Variants in GSTM2 observed in about 807,000 individuals in gnomAD.
GSTM2 encodes the protein glutathione S-transferase mu 2.
A neutral mutation model predicts 33.3 loss-of-function variants in GSTM2; 33 were observed. The observed-to-expected ratio is 0.99, with a 90% CI of 0.75 to 1.33. The LOEUF (loss-of-function observed/expected upper bound fraction) is 1.33, where lower values mean the gene tolerates loss of function less well. Ranked by LOEUF, GSTM2 falls within the 40% of genes most tolerant of loss-of-function variation. The pLI is 0.00. For synonymous variants in GSTM2, 93 were observed against 95.6 expected (o/e 0.97, Z 0.16); for missense variants, 213 against 265.8 (o/e 0.80, Z 1.38).
downstream of GSTM2, among the ~76,000 whole-genome samples, chr1:109,677,673 G>T (rs114592702): frequency 0.014 from 2,100 of 152,240 alleles, 52 homozygotes; most frequent in African/African-American, 0.046. Context: ...TATTGAAGGG[G>T]CCTGGTGGAG....
At position 109,668,109 on chromosome 1, in the gene GSTM2, C is replaced by T. The variant is rs772407547; in HGVS notation, c.-7C>T. On this transcript the variant is annotated 5_prime_UTR_variant, in exon 1 of 8. Transcript: ENST00000241337. ...GCCTGTCTGCAGAATCCACAGCAAC[C>T]AGCACCATGCCCATGACACTGGGGT... The T allele has an allele frequency of 1.2e-5, 20 of 1,613,826 alleles. 1 individual carries two copies. The South Asian group carries it at 2.2e-4, about 18-fold the overall frequency.
At chr1:109,671,975 A>G (rs1321401714) in intron 7 of GSTM2, among the ~76,000 whole-genome samples, 7 of 53,016 alleles carry the variant, frequency 1.3e-4, no homozygotes, top group Admixed American at 9.3e-4. Flanking sequence ...CATCTCAAGA[A>G]AAAAAAAAAA....
chr1:109,678,940 GT>G (rs1647785357), downstream of GSTM2, among the ~76,000 whole-genome samples: 1 of 152,088 alleles, frequency 6.6e-6, no homozygotes, highest in African/African-American at 2.4e-5. Flanking sequence ...GGGTGATCAT[GT>G]TTTGACTAAT....
At chr1:109,671,060 G>A in intron 5 of GSTM2, 1 of 552,090 alleles carries the variant, frequency 1.8e-6, no homozygotes, top group Non-Finnish European at 3.3e-6. Context: ...TAGGGACAGT[G>A]TCACATTCCG....
At chr1:109,668,831 T>G in intron 2 of GSTM2, 94 bp from the exon 3 acceptor site, 1 of 1,425,316 alleles carries the variant, frequency 7.0e-7, no homozygotes, top group Non-Finnish European at 9.9e-7. Flanking sequence ...TCCACCTGTC[T>G]CAGGGGTCTT....
downstream of GSTM2, among the ~76,000 whole-genome samples, chr1:109,679,793 C>T (rs1457287485): frequency 6.6e-6 from 1 of 152,176 alleles, no homozygotes; most frequent in Non-Finnish European, 1.5e-5. Flanking sequence ...AAGGGATGCT[C>T]AGATGGCTGG....
At chr1:109,668,611 G>C in intron 2 of GSTM2, 111 bp downstream of exon 2, 1 of 1,249,194 alleles carries the variant, frequency 8.0e-7, no homozygotes, top group South Asian at 1.2e-5. Flanking sequence ...TGGAACTGCA[G>C]GCTGTCCCTT....
rs140675803 is a variant in GSTM2 at position 109,669,498 on chromosome 1, G to A, written c.287G>A (p.Arg96His). 26 of 1,613,930 alleles carry A rather than the reference G, an allele frequency of 1.6e-5. No individual in the cohort carries two copies. In the African/African-American group the frequency reaches 2.4e-4, roughly 15 times the overall value. ...LCGESEKEQI[R>H]EDILENQFMD... The stretch of plus-strand genomic sequence containing the variant: ...GGGGAATCAGAAAAGGAGCAGATTC[G>A]CGAAGACATTTTGGAGAACCAGTTT... The change falls in exon 5 of 8, where the codon CGC becomes CAC. Residue 96 changes from arginine (R) to histidine (H), a missense_variant. Arg to His is a conservative substitution (Grantham distance 29, BLOSUM62 0). Coordinates refer to ENST00000241337, the MANE Select transcript of GSTM2 (RefSeq NM_000848.4).
chr1:109,671,687 G>A, intron 7 of GSTM2, 104 bp downstream of exon 7: 2 of 814,996 alleles, frequency 2.5e-6, no homozygotes, highest in Admixed American at 1.8e-5. Flanking sequence ...CACATTTTTG[G>A]CCATGTGCGG....
chr1:109,671,706 G>A lies in GSTM2; in HGVS notation c.567+123G>A, dbSNP rs182550315. On this transcript the variant is annotated intron_variant, in intron 7 of 7. Transcript: ENST00000241337. ...TTTTTGGCCATGTGCGGTGGCTCAC[G>A]CCTGTAATCTCAGCGCTTTGGAGGC... 517 of 734,630 alleles carry A rather than the reference G, an allele frequency of 7.0e-4. 4 individuals are homozygous for A. The Admixed American group carries it at 9.7e-3, about 14-fold the overall frequency. 45.5% of individuals were successfully genotyped at this position (734,630 alleles called of 1,614,324 possible).
At chr1:109,674,235 G>A (rs1465101879) in intron 7 of GSTM2, among the ~76,000 whole-genome samples, 2 of 152,066 alleles carry the variant, frequency 1.3e-5, no homozygotes, top group East Asian at 3.9e-4. Flanking sequence ...TGGAAAAGGA[G>A]ACTGTTTGTG....
chr1:109,679,555 T>G (rs191338293), downstream of GSTM2, among the ~76,000 whole-genome samples: 77 of 152,356 alleles, frequency 5.1e-4, no homozygotes, highest in African/African-American at 1.8e-3. Flanking sequence ...TTTCTGCCAA[T>G]GAATCACAGT....
intron 7 of GSTM2, among the ~76,000 whole-genome samples, chr1:109,672,546 T>A (rs655323): frequency 0.42 from 63,183 of 151,542 alleles, 14,806 homozygotes; most frequent in East Asian, 0.68. Flanking sequence ...GGGCTCTCCG[T>A]TTTGTGACAA....
chr1:109,669,507 T>G lies in GSTM2; in HGVS notation c.296T>G (p.Ile99Ser), dbSNP rs1184641679. Reference sequence around the variant, plus strand: ...GAAAAGGAGCAGATTCGCGAAGACATTTTGGAGAACCAGTTTATGGACAGC... The same window carrying G: ...GAAAAGGAGCAGATTCGCGAAGACAGTTTGGAGAACCAGTTTATGGACAGC... ...ESEKEQIRED[I>S]LENQFMDSRM... Residue 99 changes from isoleucine to serine, a missense_variant, in exon 5 of 8, where the codon ATT (isoleucine) becomes AGT (serine). Ile to Ser is a moderately radical substitution (Grantham distance 142). Coordinates refer to ENST00000241337, the MANE Select transcript of GSTM2 (RefSeq NM_000848.4). 6.2e-7 allele frequency: 1 copy of G among 1,613,904 alleles called. No individual in the cohort carries two copies. Among genetic ancestry groups the G allele is most frequent in the African/African-American group, 1.3e-5 (1 of 74,972 alleles).
intron 5 of GSTM2, chr1:109,670,614 A>G (rs899145362): frequency 6.6e-6 from 1 of 152,370 alleles, no homozygotes; most frequent in African/African-American, 2.4e-5. Context: ...TCTCTGACCC[A>G]TGACCTGTGC....
At chr1:109,677,403 T>A (rs1428267007), downstream of GSTM2, among the ~76,000 whole-genome samples, 3 of 152,170 alleles carry the variant, frequency 2.0e-5, no homozygotes, top group Admixed American at 1.3e-4. Context: ...CCAAATTCCA[T>A]GAACAAATGA....
intron 7 of GSTM2, among the ~76,000 whole-genome samples, chr1:109,671,839 C>T (rs1323082788): frequency 1.3e-5 from 2 of 151,466 alleles, no homozygotes; most frequent in South Asian, 2.1e-4. Flanking sequence ...GGCGTGGTGG[C>T]GAGCACCTGT....
At chr1:109,676,476 C>T (rs138206744), downstream of GSTM2, among the ~76,000 whole-genome samples, 3 of 152,128 alleles carry the variant, frequency 2.0e-5, no homozygotes, top group Non-Finnish European at 2.9e-5. Context: ...CTCAGCCTCC[C>T]GAGTAGCTGG....
At chr1:109,671,749 C>G (rs2101251377) in intron 7 of GSTM2, among the ~76,000 whole-genome samples, 166 bp downstream of exon 7, 1 of 152,192 alleles carries the variant, frequency 6.6e-6, no homozygotes, top group South Asian at 2.1e-4. Flanking sequence ...GGCAGATCAC[C>G]TGTGGTTAGG....
Sources: allele counts gnomAD v4.1 joint callset (sites outside exome capture counted in the v4.1 genomes callset), GRCh38; gene constraint gnomAD v4.1.1; transcripts MANE v1.5; gene names NCBI Gene and HGNC (gene_info 2026-07-23, HGNC 2026-07-21).